MAGED1: variants seen among roughly 807,000 people sequenced by gnomAD.
The protein encoded by MAGED1 is MAGE family member D1, also known as melanoma-associated antigen D1.
In MAGED1, 3 loss-of-function variants were observed where a neutral mutation model predicts 54.1. That is an observed-to-expected ratio of 0.06 (90% CI 0.03 to 0.14). The LOEUF (loss-of-function observed/expected upper bound fraction) is 0.14, where lower values mean the gene tolerates loss of function less well. Among genes scored for constraint, MAGED1 ranks in the 10% least tolerant of loss-of-function variants. The pLI is 1.00. For missense variants in MAGED1, 485 were observed against 623.4 expected (o/e 0.78, Z 2.36); for synonymous variants, 217 against 227.3 (o/e 0.95, Z 0.41).
At chrX:51,864,189 A>AGAGTGT (rs1479838638) in intron 1 of MAGED1, among the ~76,000 whole-genome samples, 164 of 100,439 alleles carry the variant, frequency 1.6e-3, no homozygotes, top group African/African-American at 5.3e-3. Context: ...AGAGAGAGAG[A>AGAGTGT]GTGTGTGTGT....
upstream of MAGED1, among the ~76,000 whole-genome samples, chrX:51,889,627 C>CAAAAAAAAAAAAAAAAA (rs1170454113): frequency 5.9e-5 from 1 of 16,919 alleles, no homozygotes; most frequent in Non-Finnish European, 1.3e-4. Flanking sequence ...GACTCTGTCT[C>CAAAAAAAAAAAAAAAAA]AAAAAAAAAA....
chrX:51,885,672 T>C (rs1364401662), intron 1 of MAGED1, among the ~76,000 whole-genome samples: 1 of 111,184 alleles, frequency 9.0e-6, no homozygotes, highest in Non-Finnish European at 1.9e-5. Context: ...CCCAAACCAA[T>C]CCCGGGGCAC....
At chrX:51,845,092 C>T (rs2146973837) in intron 1 of MAGED1, among the ~76,000 whole-genome samples, 1 of 110,837 alleles carries the variant, frequency 9.0e-6, no homozygotes, top group African/African-American at 3.3e-5. Context: ...ATTAGTTGGG[C>T]ATGGTGGTGC....
chrX:51,812,866 C>G (rs1458793279), intron 1 of MAGED1, among the ~76,000 whole-genome samples: 1 of 109,974 alleles, frequency 9.1e-6, no homozygotes, highest in East Asian at 2.8e-4. Flanking sequence ...CACTTAAATT[C>G]CCACCAGGAA....
At chrX:51,837,661 T>G (rs1256952835) in intron 1 of MAGED1, among the ~76,000 whole-genome samples, 1 of 112,283 alleles carries the variant, frequency 8.9e-6, no homozygotes, top group Non-Finnish European at 1.9e-5. Flanking sequence ...TTCAAAGTAC[T>G]TACCTATATT....
intron 1 of MAGED1, among the ~76,000 whole-genome samples, chrX:51,843,062 C>T (rs1926564138): frequency 9.0e-6 from 1 of 111,380 alleles, no homozygotes; most frequent in African/African-American, 3.3e-5. Context: ...TTATAAGTCT[C>T]CTTTTGAGGG....
chrX:51,840,740 C>T (rs1395917590), intron 1 of MAGED1, among the ~76,000 whole-genome samples: 3 of 109,657 alleles, frequency 2.7e-5, no homozygotes, highest in Non-Finnish European at 5.7e-5. Context: ...CAATTTCATC[C>T]ATGTCCCTAC....
rs1557364172 is a variant in MAGED1, at chrX:51,895,756, G to A, written c.749G>A (p.Arg250His). ...ACAATAATTCGGGGCAAGAGGACCC[G>A]CAAGGTGAGATCTCTGCTAACTTCA... ...SRTIIRGKRT[R>H]KINNLNVEEN... is the part of the protein sequence containing the mutation. Residue 250 changes from arginine (R) to histidine (H), a missense_variant, in exon 3 of 13, where the codon CGC becomes CAC. Physicochemically the swap from Arg to His is conservative, Grantham distance 29 (BLOSUM62 0). Transcript: ENST00000326587. 6.0e-6 allele frequency: 7 copies of A among 1,159,666 alleles called. No individual in the cohort carries two copies. The highest frequency in any genetic ancestry group is 1.8e-5 in the African/African-American group (1 of 55,801).
intron 1 of MAGED1, among the ~76,000 whole-genome samples, chrX:51,877,357 G>T (rs1318828215): frequency 9.0e-6 from 1 of 111,309 alleles, no homozygotes; most frequent in Non-Finnish European, 1.9e-5. Context: ...TGTCAAAATG[G>T]CAAAGATATT....
At chrX:51,808,636 G>A (rs1925111869) in intron 1 of MAGED1, among the ~76,000 whole-genome samples, 1 of 111,698 alleles carries the variant, frequency 9.0e-6, no homozygotes, top group African/African-American at 3.3e-5. Context: ...TTGAGCTGGG[G>A]AGTTTGAGGC....
At chrX:51,865,386 A>G (rs1029738364) in intron 1 of MAGED1, among the ~76,000 whole-genome samples, 12 of 112,050 alleles carry the variant, frequency 1.1e-4, no homozygotes, top group African/African-American at 3.9e-4. Context: ...TAATGTATGA[A>G]TGCATAAATT....
chrX:51,895,009 C>T (rs375817044), intron 2 of MAGED1, 44 bp from the exon 3 acceptor site: 8 of 1,094,247 alleles, frequency 7.3e-6, no homozygotes, highest in Non-Finnish European at 9.8e-6. Flanking sequence ...CACCTCCTGC[C>T]TCAGAGGCCC....
At chrX:51,848,947 T>TC (rs201051079) in intron 1 of MAGED1, among the ~76,000 whole-genome samples, 54 of 110,232 alleles carry the variant, frequency 4.9e-4, no homozygotes, top group African/African-American at 1.8e-3. Context: ...CTTTTCTGTT[T>TC]TTTTTTTCAT....
At chrX:51,814,121 T>C (rs1487852540) in intron 1 of MAGED1, among the ~76,000 whole-genome samples, 1 of 111,088 alleles carries the variant, frequency 9.0e-6, no homozygotes, top group Non-Finnish European at 1.9e-5. Flanking sequence ...TGGTCGCTCT[T>C]GAGAGCAGTC....
intron 7 of MAGED1, 42 bp downstream of exon 7, chrX:51,897,928 T>G (rs1557364507): frequency 3.7e-6 from 4 of 1,068,974 alleles, no homozygotes; most frequent in Non-Finnish European, 3.9e-6. Context: ...TTCTCAGTGG[T>G]GCTTTTTTTC....
chrX:51,829,317 A>ATG lies in MAGED1; in HGVS notation c.-37+26218_-37+26219dup, dbSNP rs199532389. Among the ~76,000 whole-genome samples the ATG allele has an allele frequency of 9.9e-3, 1,062 of 107,726 alleles. 26 individuals are homozygous for ATG. In the East Asian group the frequency reaches 0.11, roughly 11 times the overall value. 93.5% of individuals were successfully genotyped at this position (107,726 alleles called of 115,157 possible). The stretch of plus-strand genomic sequence containing the variant: ...CAGAAATAGACCAGTGTGTTTGTGT[A>ATG]TGTGTGTGTGTGTGTGTGTATATGT... On this transcript the variant is annotated intron_variant, in intron 1 of 12. Coordinates refer to the MAGED1 transcript ENST00000375772.
At chrX:51,848,893 C>CT (rs1352333832) in intron 1 of MAGED1, among the ~76,000 whole-genome samples, 10 of 106,563 alleles carry the variant, frequency 9.4e-5, no homozygotes, top group East Asian at 2.9e-4. Context: ...TTTTTTATTT[C>CT]TTTTTTTTCT....
intron 1 of MAGED1, among the ~76,000 whole-genome samples, chrX:51,819,778 T>C (rs1191049134): frequency 8.9e-6 from 1 of 111,835 alleles, no homozygotes; most frequent in Non-Finnish European, 1.9e-5. Context: ...GATAGTGTCT[T>C]TTGAGTACAA....
chrX:51,898,520 T>C (rs1557364591), intron 9 of MAGED1, 61 bp from the exon 10 acceptor site: 23 of 1,076,977 alleles, frequency 2.1e-5, no homozygotes, highest in Non-Finnish European at 1.9e-5. Context: ...ACCTCTGTTC[T>C]GGAAAGCTCT....
Sources: gnomAD v4.1 joint callset for allele counts (sites outside exome capture counted in the v4.1 genomes callset) on GRCh38, gnomAD v4.1.1 for gene constraint, MANE v1.5 for transcripts, NCBI Gene and HGNC (gene_info 2026-07-23, HGNC 2026-07-21) for gene names.